Variants in RBFOX1 observed in about 807,000 individuals in gnomAD.
The protein encoded by RBFOX1 is RNA binding fox-1 homolog 1.
A neutral mutation model predicts 57.7 loss-of-function variants in RBFOX1; 8 were observed. The observed-to-expected ratio is 0.14, with a 90% CI of 0.08 to 0.25. RBFOX1 has a LOEUF of 0.25. RBFOX1 is among the 10% of genes least tolerant of loss of function. The pLI is 1.00. For missense variants in RBFOX1, 611 were observed against 548.5 expected, an observed-to-expected ratio of 1.11 and a Z score of -1.14; for synonymous variants, 326 against 222.4, an observed-to-expected ratio of 1.47 and a Z score of -4.15.
At chr16:6,230,665 C>A (rs544599881) in intron 1 of RBFOX1, among the ~76,000 whole-genome samples, 3 of 152,136 alleles carry the variant, frequency 2.0e-5, no homozygotes, top group Non-Finnish European at 2.9e-5. Flanking sequence ...AATTTCTTCA[C>A]GCATAACAAT....
At chr16:7,115,299 T>C (rs922207070) in intron 4 of RBFOX1, among the ~76,000 whole-genome samples, 8 of 152,180 alleles carry the variant, frequency 5.3e-5, no homozygotes, top group Non-Finnish European at 1.0e-4. Context: ...TGATTACTTG[T>C]GTGCCAGCAA....
At chr16:7,468,941 T>A (rs1168978230) in intron 4 of RBFOX1, among the ~76,000 whole-genome samples, 1 of 149,618 alleles carries the variant, frequency 6.7e-6, no homozygotes, top group Non-Finnish European at 1.5e-5. Flanking sequence ...GCTGAGTAAT[T>A]TTTTTTTTTT....
At chr16:7,005,138 C>A (rs970849567) in intron 3 of RBFOX1, among the ~76,000 whole-genome samples, 1 of 152,000 alleles carries the variant, frequency 6.6e-6, no homozygotes, top group Non-Finnish European at 1.5e-5. Context: ...GAGCGAGATT[C>A]CATCTCAAAA....
intron 2 of RBFOX1, among the ~76,000 whole-genome samples, chr16:5,556,706 C>T (rs1194561853): frequency 6.6e-6 from 1 of 152,162 alleles, no homozygotes; most frequent in Non-Finnish European, 1.5e-5. Flanking sequence ...GCAATGTTTT[C>T]TGAAGAATGT....
intron 3 of RBFOX1, among the ~76,000 whole-genome samples, chr16:6,743,380 A>G (rs1316032404): frequency 6.6e-6 from 1 of 152,214 alleles, no homozygotes; most frequent in Non-Finnish European, 1.5e-5. Flanking sequence ...AGAGATTGTC[A>G]GACTTAATAA....
intron 4 of RBFOX1, among the ~76,000 whole-genome samples, chr16:7,231,893 C>G (rs1186417259): frequency 6.6e-6 from 1 of 152,028 alleles, no homozygotes; most frequent in African/African-American, 2.4e-5. Flanking sequence ...TTGCTACAGG[C>G]TAGGAGGAAG....
intron 1 of RBFOX1, among the ~76,000 whole-genome samples, chr16:5,427,137 G>A (rs184134350): frequency 1.5e-4 from 23 of 152,318 alleles, no homozygotes; most frequent in Middle Eastern, 3.4e-3. Context: ...CGCAGATGCT[G>A]TGTTCTGGAA....
chr16:7,265,042 T>C (rs2153084932), intron 4 of RBFOX1, among the ~76,000 whole-genome samples: 1 of 152,344 alleles, frequency 6.6e-6, no homozygotes, highest in South Asian at 2.1e-4. Context: ...CCAGTCCCAT[T>C]CTTTTTGTCT....
chr16:6,903,296 C>G (rs369407907), intron 3 of RBFOX1, among the ~76,000 whole-genome samples: 54 of 152,242 alleles, frequency 3.5e-4, no homozygotes, highest in African/African-American at 1.3e-3. Flanking sequence ...CTGACCGTTC[C>G]TAGAGAGGTC....
intron 1 of RBFOX1, among the ~76,000 whole-genome samples, chr16:6,259,784 G>T (rs987109875): frequency 6.6e-6 from 1 of 151,746 alleles, no homozygotes; most frequent in East Asian, 1.9e-4. Flanking sequence ...ATGCTGAGAC[G>T]CCATTTGTAC....
At chr16:7,471,167 G>C (rs2061491301) in intron 4 of RBFOX1, among the ~76,000 whole-genome samples, 1 of 152,078 alleles carries the variant, frequency 6.6e-6, no homozygotes, top group African/African-American at 2.4e-5. Flanking sequence ...TCTATGATTT[G>C]TGAATATGTG....
At chr16:5,522,652 A>T (rs1430697549) in intron 2 of RBFOX1, among the ~76,000 whole-genome samples, 1 of 152,110 alleles carries the variant, frequency 6.6e-6, no homozygotes, top group Non-Finnish European at 1.5e-5. Flanking sequence ...CTTTGTTTGT[A>T]CCCATTAACC....
intron 3 of RBFOX1, among the ~76,000 whole-genome samples, chr16:5,772,619 A>C (rs181275459): frequency 6.8e-4 from 104 of 152,344 alleles, no homozygotes; most frequent in South Asian, 4.6e-3. Context: ...AAGTGAGTTG[A>C]AAGGATGGTG....
intron 4 of RBFOX1, among the ~76,000 whole-genome samples, chr16:7,227,355 C>T (rs907886956): frequency 6.7e-6 from 1 of 149,532 alleles, no homozygotes; most frequent in Non-Finnish European, 1.5e-5. Flanking sequence ...TTCCCTGCCC[C>T]CTCTCACTTA....
At chr16:7,511,537 T>C (rs1002004960) in intron 4 of RBFOX1, among the ~76,000 whole-genome samples, 1 of 152,226 alleles carries the variant, frequency 6.6e-6, no homozygotes, top group African/African-American at 2.4e-5. Context: ...ACTATGCTAA[T>C]AGTCAGATTA....
chr16:6,587,100 C>T (rs758856157), intron 2 of RBFOX1, among the ~76,000 whole-genome samples: 1 of 151,964 alleles, frequency 6.6e-6, no homozygotes, highest in Non-Finnish European at 1.5e-5. Context: ...CTGTAGTCAC[C>T]ATGATGTACA....
intron 2 of RBFOX1, among the ~76,000 whole-genome samples, chr16:5,558,364 C>T (rs1172247032): frequency 1.3e-5 from 2 of 152,110 alleles, no homozygotes; most frequent in Non-Finnish European, 1.5e-5. Flanking sequence ...AGCCCAAAAG[C>T]GGTCCTCATG....
intron 4 of RBFOX1, among the ~76,000 whole-genome samples, chr16:7,115,788 C>A (rs1009848330): frequency 9.2e-5 from 14 of 152,188 alleles, no homozygotes; most frequent in Admixed American, 2.0e-4. Flanking sequence ...TAGCCTGCCC[C>A]GAAGGGGAGG....
chr16:6,106,245 G>A (rs1597363870), intron 1 of RBFOX1, among the ~76,000 whole-genome samples: 1 of 151,904 alleles, frequency 6.6e-6, no homozygotes, highest in Non-Finnish European at 1.5e-5. Context: ...ATCACCTGAG[G>A]TCAGGCATTC....
Sources: allele counts gnomAD v4.1 joint callset (sites outside exome capture counted in the v4.1 genomes callset), GRCh38; gene constraint gnomAD v4.1.1; transcripts MANE v1.5; gene names NCBI Gene and HGNC (gene_info 2026-07-23, HGNC 2026-07-21).